PCDHA7: variants seen among roughly 807,000 people sequenced by gnomAD.
The protein encoded by PCDHA7 is protocadherin alpha-7.
PCDHA7 carries 37 observed loss-of-function variants against 57.2 expected under a neutral mutation model. That is an observed-to-expected ratio of 0.65 (90% CI 0.50 to 0.85). The LOEUF (loss-of-function observed/expected upper bound fraction) is 0.85, where lower values mean the gene tolerates loss of function less well. Among genes scored for constraint, PCDHA7 ranks in the 40% least tolerant of loss-of-function variants. PCDHA7 has a pLI of 0.00. For synonymous variants in PCDHA7, 553 were observed against 558.8 expected, an observed-to-expected ratio of 0.99 and a Z score of 0.15; for missense variants, 1,188 against 1,241.8, an observed-to-expected ratio of 0.96 and a Z score of 0.65.
chr5:140,842,647 T>C (rs1778166241), intron 1 of PCDHA7: 1 of 1,595,148 alleles, frequency 6.3e-7, no homozygotes, highest in African/African-American at 1.3e-5. Flanking sequence ...CCAGCTTGTC[T>C]GTGGAGGTGG....
At chr5:140,869,650 C>G in intron 1 of PCDHA7, 1 of 1,613,504 alleles carries the variant, frequency 6.2e-7, no homozygotes, top group Non-Finnish European at 8.5e-7. Context: ...TTTAGATTCA[C>G]CAACAAATGG....
At chr5:140,887,238 C>T (rs1191260946) in intron 1 of PCDHA7, among the ~76,000 whole-genome samples, 11 of 151,856 alleles carry the variant, frequency 7.2e-5, no homozygotes, top group East Asian at 3.9e-4. Flanking sequence ...CTGAGACTAC[C>T]GGCGCCCGCC....
intron 1 of PCDHA7, among the ~76,000 whole-genome samples, chr5:140,964,532 G>A (rs995586958): frequency 2.0e-5 from 3 of 152,156 alleles, no homozygotes; most frequent in Non-Finnish European, 4.4e-5. Context: ...TCTGAGCTGC[G>A]TGCAGAGATG....
chr5:140,978,661 T>A (rs1035787381), intron 1 of PCDHA7, among the ~76,000 whole-genome samples: 15 of 152,246 alleles, frequency 9.9e-5, no homozygotes, highest in Admixed American at 9.8e-4. Context: ...CCGTAGTGTT[T>A]TAAGAACACA....
At chr5:140,927,964 G>A in intron 1 of PCDHA7, 1 of 1,614,230 alleles carries the variant, frequency 6.2e-7, no homozygotes, top group South Asian at 1.1e-5. Context: ...CCCTGGCACA[G>A]TGATTGCTCT....
intron 1 of PCDHA7, chr5:140,869,802 G>T: frequency 6.2e-7 from 1 of 1,612,556 alleles, no homozygotes; most frequent in South Asian, 1.1e-5. Flanking sequence ...TCCAAGTCTT[G>T]GATGTCAACG....
Position 140,835,975 on chromosome 5 carries a change from T to C in PCDHA7, c.1592T>C (p.Leu531Ser), listed in dbSNP as rs2150249411. The C allele has an allele frequency of 2.5e-6, 4 of 1,613,318 alleles. No individual in the cohort carries two copies. The highest frequency in any genetic ancestry group is 3.4e-6 in the Non-Finnish European group (4 of 1,179,696). ...TTGGACCACGAGGAGCTGGAGCTGT[T>C]GCAGTTCCAGGTGAGCGCGCGCGAT... ...QPLDHEELEL[L>S]QFQVSARDAG... The change falls in exon 1 of 4, where the codon TTG becomes TCG. Residue 531 changes from leucine to serine, a missense_variant. Transcript: ENST00000525929.
rs1554148611 is a variant in PCDHA7, at chr5:140,856,378, C to A, written c.2355+19640C>A. 3 of 1,598,456 alleles carry A rather than the reference C, an allele frequency of 1.9e-6. 1 individual carries two copies. Among genetic ancestry groups the A allele is most frequent in the South Asian group, 2.2e-5 (2 of 90,536 alleles). ...GCATCCACCTGGAGGTGATCGTGGA[C>A]AGGCCGCTGCAGGTTTTCCATGTGG... On this transcript the variant is annotated intron_variant, in intron 1 of 3. Coordinates refer to ENST00000525929, the MANE Select transcript of PCDHA7 (RefSeq NM_018910.3).
chr5:140,968,121 T>C (rs1554230356), intron 1 of PCDHA7: 2 of 1,614,180 alleles, frequency 1.2e-6, no homozygotes, highest in Non-Finnish European at 1.7e-6. Flanking sequence ...CTCACATCCC[T>C]GCGTACACTG....
chr5:140,988,512 T>TCC (rs2097301181), intron 3 of PCDHA7, among the ~76,000 whole-genome samples: 1 of 152,218 alleles, frequency 6.6e-6, no homozygotes, highest in Non-Finnish European at 1.5e-5. Flanking sequence ...TGAAGCTTAC[T>TCC]TAAGTCTCTG....
At chr5:140,851,067 G>T in intron 1 of PCDHA7, 7 of 1,367,668 alleles carry the variant, frequency 5.1e-6, no homozygotes, top group Non-Finnish European at 6.7e-6. Context: ...CTTCTAGTGA[G>T]AATTATAAAC....
intron 3 of PCDHA7, among the ~76,000 whole-genome samples, chr5:141,003,770 T>A (rs1365152633): frequency 6.6e-6 from 1 of 152,246 alleles, no homozygotes; most frequent in East Asian, 1.9e-4. Flanking sequence ...TCGTATTCTG[T>A]TAAATAAACT....
At chr5:140,967,978 G>A in intron 1 of PCDHA7, 5 of 1,614,206 alleles carry the variant, frequency 3.1e-6, no homozygotes, top group Non-Finnish European at 3.4e-6. Flanking sequence ...GCCTGGGTCT[G>A]GAGGCCACAC....
At chr5:140,843,896 T>C in intron 1 of PCDHA7, 2 of 663,756 alleles carry the variant, frequency 3.0e-6, no homozygotes, top group East Asian at 5.6e-5. Context: ...TATTAATCAT[T>C]CTCCACAAGT....
intron 1 of PCDHA7, chr5:140,841,151 T>C (rs1777047208): frequency 1.2e-6 from 1 of 800,306 alleles, no homozygotes; most frequent in Admixed American, 3.0e-5. Flanking sequence ...GATGTCGCTG[T>C]CTACCAAGAA....
At chr5:140,887,928 A>G (rs1345223604) in intron 1 of PCDHA7, among the ~76,000 whole-genome samples, 1 of 152,138 alleles carries the variant, frequency 6.6e-6, no homozygotes, top group Non-Finnish European at 1.5e-5. Flanking sequence ...TTCAGAGACC[A>G]TATTTATTTC....
intron 1 of PCDHA7, among the ~76,000 whole-genome samples, chr5:140,962,457 G>T (rs1563323233): frequency 6.6e-6 from 1 of 151,950 alleles, no homozygotes; most frequent in Non-Finnish European, 1.5e-5. Flanking sequence ...AATCTCTTAT[G>T]GCTTGAATCT....
rs140124026 is a variant in PCDHA7, at chr5:140,973,683, C to T, written c.2356-5266C>T. On this transcript the variant is annotated intron_variant, in intron 1 of 3. Coordinates refer to ENST00000525929, the MANE Select transcript of PCDHA7 (RefSeq NM_018910.3). ...TTTATTGTAGCTTGAATGTCATTGG[C>T]CTACTGTTTCCTTCTGACCCAGGAG... is the stretch of plus-strand genomic sequence containing the variant. Among the ~76,000 whole-genome samples, 5 of 152,316 alleles carry T rather than the reference C, an allele frequency of 3.3e-5. No homozygotes were observed. The East Asian group carries it at 7.7e-4, about 24-fold the overall frequency.
intron 3 of PCDHA7, among the ~76,000 whole-genome samples, chr5:140,993,460 T>TCACACACACA (rs1554253699): frequency 5.7e-5 from 6 of 104,506 alleles, no homozygotes; most frequent in African/African-American, 7.8e-5. Flanking sequence ...CTTCTTTCTT[T>TCACACACACA]CTCACACACA....
Sources: allele counts gnomAD v4.1 joint callset (sites outside exome capture counted in the v4.1 genomes callset), GRCh38; gene constraint gnomAD v4.1.1; transcripts MANE v1.5; gene names NCBI Gene and HGNC (gene_info 2026-07-23, HGNC 2026-07-21).